Variants in ARK2C observed in about 807,000 individuals in gnomAD.
The protein encoded by ARK2C is arkadia (RNF111) C-terminal like ring finger ubiquitin ligase 2C.
chr18:46,395,612 G>T, the ARK2C span, among the ~76,000 whole-genome samples: 1 of 152,182 alleles, frequency 6.6e-6, no homozygotes, highest in Non-Finnish European at 1.5e-5. Context: ...GAGTCTGTAT[G>T]GCCCCAAAGT....
the ARK2C span, among the ~76,000 whole-genome samples, chr18:46,399,398 G>A: frequency 2.6e-5 from 4 of 152,222 alleles, no homozygotes; most frequent in Non-Finnish European, 4.4e-5. Flanking sequence ...CCCCATTTTA[G>A]GCTGGGCCAG....
chr18:46,456,141 T>C, the ARK2C span: 3 of 996,616 alleles, frequency 3.0e-6, no homozygotes, highest in Non-Finnish European at 4.7e-6. Context: ...GACCAATCAC[T>C]GCACCGTGTG....
chr18:46,457,192 G>A, the ARK2C span: 1 of 152,378 alleles, frequency 6.6e-6, no homozygotes, highest in Non-Finnish European at 1.5e-5. Flanking sequence ...ACCAACGACA[G>A]CCCCAATCTT....
At chr18:46,365,451 C>T in the ARK2C span, among the ~76,000 whole-genome samples, 2 of 152,180 alleles carry the variant, frequency 1.3e-5, no homozygotes, top group Non-Finnish European at 2.9e-5. Context: ...ATGCAGGGCA[C>T]CAAGTCTGAG....
At chr18:46,451,900 C>A in the ARK2C span, among the ~76,000 whole-genome samples, 4 of 152,104 alleles carry the variant, frequency 2.6e-5, no homozygotes, top group Non-Finnish European at 2.9e-5. Flanking sequence ...GAAGTTAGCC[C>A]AAAATGGCTG....
chr18:46,381,890 G>A, the ARK2C span, among the ~76,000 whole-genome samples: 14 of 151,982 alleles, frequency 9.2e-5, no homozygotes, highest in Non-Finnish European at 1.9e-4. Context: ...CACCACCGGC[G>A]AGCAGGTGTC....
At chr18:46,385,827 G>T in the ARK2C span, 1 of 152,206 alleles carries the variant, frequency 6.6e-6, no homozygotes, top group Non-Finnish European at 1.5e-5. Flanking sequence ...CTCTGTAAGT[G>T]ATAAGTGTTT....
the ARK2C span, among the ~76,000 whole-genome samples, chr18:46,441,692 T>C: frequency 3.3e-5 from 5 of 150,878 alleles, no homozygotes; most frequent in East Asian, 7.8e-4. Context: ...ATCCAGACCA[T>C]CCTGGCTATC....
At chr18:46,385,502 A>G in the ARK2C span, among the ~76,000 whole-genome samples, 1 of 152,206 alleles carries the variant, frequency 6.6e-6, no homozygotes, top group African/African-American at 2.4e-5. Context: ...TACTGACTCT[A>G]GTGGACAGAG....
chr18:46,360,818 G>A, the ARK2C span, among the ~76,000 whole-genome samples: 1 of 152,204 alleles, frequency 6.6e-6, no homozygotes, highest in Non-Finnish European at 1.5e-5. Flanking sequence ...GGGTCACAGG[G>A]CCCACCTAAA....
the ARK2C span, among the ~76,000 whole-genome samples, chr18:46,392,560 G>A: frequency 1.5e-4 from 1 of 6,576 alleles, no homozygotes; most frequent in African/African-American, 7.5e-4. Context: ...CCAGGTCAGT[G>A]GACACGGCTC....
At chr18:46,361,846 G>A in the ARK2C span, among the ~76,000 whole-genome samples, 1 of 152,226 alleles carries the variant, frequency 6.6e-6, no homozygotes, top group Admixed American at 6.5e-5. Flanking sequence ...TCCTGCACTA[G>A]CAAATGAGGA....
the ARK2C span, among the ~76,000 whole-genome samples, chr18:46,340,582 A>C: frequency 5.3e-5 from 8 of 152,236 alleles, no homozygotes; most frequent in African/African-American, 1.9e-4. Context: ...CACGAATGGC[A>C]GAACGTCCTG....
the ARK2C span, among the ~76,000 whole-genome samples, chr18:46,380,921 C>A: frequency 6.6e-6 from 1 of 152,216 alleles, no homozygotes; most frequent in Admixed American, 6.5e-5. Context: ...GAAGGCTACA[C>A]AGAGAGCAAA....
chr18:46,353,669 G>A, the ARK2C span, among the ~76,000 whole-genome samples: 1 of 152,202 alleles, frequency 6.6e-6, no homozygotes, highest in Non-Finnish European at 1.5e-5. Flanking sequence ...GACGCATGCT[G>A]CTGGTAGGCA....
chr18:46,422,120 T>C, the ARK2C span, among the ~76,000 whole-genome samples: 2 of 152,192 alleles, frequency 1.3e-5, no homozygotes, highest in Non-Finnish European at 2.9e-5. Flanking sequence ...CCGGAAAGAA[T>C]GGCCTTTGAA....
the ARK2C span, among the ~76,000 whole-genome samples, chr18:46,374,962 C>A: frequency 3.3e-5 from 5 of 152,180 alleles, no homozygotes; most frequent in African/African-American, 1.2e-4. Context: ...TCCTGGCTTC[C>A]CTCCTAAATG....
the ARK2C span, among the ~76,000 whole-genome samples, chr18:46,394,878 G>C: frequency 6.6e-6 from 1 of 152,220 alleles, no homozygotes; most frequent in African/African-American, 2.4e-5. Flanking sequence ...AGATGCCCTG[G>C]TAGAGGATGC....
chr18:46,362,220 C>G, the ARK2C span, among the ~76,000 whole-genome samples: 1 of 152,212 alleles, frequency 6.6e-6, no homozygotes, highest in African/African-American at 2.4e-5. Context: ...GAAGTGGGCC[C>G]TAGCAGGCCT....
Sources: allele counts gnomAD v4.1 joint callset (sites outside exome capture counted in the v4.1 genomes callset), GRCh38; gene constraint gnomAD v4.1.1; transcripts MANE v1.5; gene names NCBI Gene and HGNC (gene_info 2026-07-23, HGNC 2026-07-21).